PLEKHB2: variants seen among roughly 807,000 people sequenced by gnomAD.
PLEKHB2 encodes pleckstrin homology domain-containing family B member 2.
In PLEKHB2, 31 loss-of-function variants were observed where a neutral mutation model predicts 36.5. The observed-to-expected ratio is 0.85, with a 90% CI of 0.64 to 1.15. The LOEUF (loss-of-function observed/expected upper bound fraction) is 1.15, where lower values mean the gene tolerates loss of function less well. PLEKHB2 is among the 50% of genes most tolerant of loss of function. The pLI, the probability that PLEKHB2 is intolerant of heterozygous loss-of-function variation, is 0.00. For missense variants in PLEKHB2, 262 were observed against 295.3 expected (o/e 0.89, Z 0.83); for synonymous variants, 119 against 112.0 (o/e 1.06, Z -0.39).
intron 6 of PLEKHB2, among the ~76,000 whole-genome samples, chr2:131,134,894 A>G (rs1455354834): frequency 2.0e-5 from 3 of 152,142 alleles, no homozygotes; most frequent in Non-Finnish European, 2.9e-5. Context: ...GATTTTTTTC[A>G]TCAGCATTTT....
chr2:131,126,182 T>C lies in PLEKHB2; in HGVS notation c.190+277T>C, dbSNP rs548382065. ...AGGCCACCCTAGACTACGTTGATTT[T>C]GTACTCAGAAACTGGCTTCTGTTTG... On this transcript the variant is annotated intron_variant, in intron 3 of 7. Coordinates refer to ENST00000693505, the MANE Select transcript of PLEKHB2 (RefSeq NM_001100623.2). Among the ~76,000 whole-genome samples the C allele has an allele frequency of 3.3e-5, 5 of 152,272 alleles. No homozygotes were observed. The South Asian group carries it at 6.2e-4, about 19-fold the overall frequency.
At chr2:131,142,325 T>C (rs1698871637) in intron 7 of PLEKHB2, among the ~76,000 whole-genome samples, 1 of 152,228 alleles carries the variant, frequency 6.6e-6, no homozygotes, top group African/African-American at 2.4e-5. Context: ...ATTTTCTCCT[T>C]ATAATCATGC....
chr2:131,122,928 T>C (rs931453428), intron 2 of PLEKHB2, among the ~76,000 whole-genome samples: 9 of 152,204 alleles, frequency 5.9e-5, no homozygotes, highest in African/African-American at 1.9e-4. Flanking sequence ...GCTCAGACCT[T>C]GAGGGTGTGC....
intron 1 of PLEKHB2, among the ~76,000 whole-genome samples, chr2:131,113,470 G>C (rs1405621696): frequency 6.6e-6 from 1 of 152,176 alleles, no homozygotes; most frequent in Non-Finnish European, 1.5e-5. Context: ...CGTGAGAGCA[G>C]AGGAAAAACA....
intron 4 of PLEKHB2, 74 bp from the exon 5 acceptor site, chr2:131,130,647 G>A: frequency 8.9e-7 from 1 of 1,128,062 alleles, no homozygotes; most frequent in Non-Finnish European, 1.3e-6. Context: ...CAGGAATTCT[G>A]ATGCCAGCCC....
chr2:131,137,188 C>CAGT (rs1698353129), intron 6 of PLEKHB2, among the ~76,000 whole-genome samples: 1 of 149,070 alleles, frequency 6.7e-6, no homozygotes, highest in African/African-American at 2.6e-5. Context: ...ACCTCGTGAT[C>CAGT]TGCCCGCCTC....
intron 5 of PLEKHB2, among the ~76,000 whole-genome samples, chr2:131,132,458 C>T (rs993398813): frequency 6.6e-6 from 1 of 152,046 alleles, no homozygotes; most frequent in Non-Finnish European, 1.5e-5. Context: ...AAGCACCATG[C>T]CCAGTTAATT....
chr2:131,111,751 A>G (rs1695358042), intron 1 of PLEKHB2, among the ~76,000 whole-genome samples: 1 of 152,146 alleles, frequency 6.6e-6, no homozygotes, highest in African/African-American at 2.4e-5. Context: ...TCGGCCTCCT[A>G]AAGTGTTGGG....
chr2:131,117,257 C>T (rs1020307150), intron 1 of PLEKHB2, among the ~76,000 whole-genome samples: 1 of 152,090 alleles, frequency 6.6e-6, no homozygotes, highest in Non-Finnish European at 1.5e-5. Context: ...GAAATCCTGT[C>T]TCTACTTAAA....
At chr2:131,122,213 C>G (rs1696594869) in intron 2 of PLEKHB2, among the ~76,000 whole-genome samples, 1 of 152,094 alleles carries the variant, frequency 6.6e-6, no homozygotes, top group South Asian at 2.1e-4. Flanking sequence ...CCGCGCCCGG[C>G]CTCATACTGT....
At chr2:131,137,194 G>C (rs1299915381) in intron 6 of PLEKHB2, among the ~76,000 whole-genome samples, 1 of 148,988 alleles carries the variant, frequency 6.7e-6, no homozygotes, top group Admixed American at 6.6e-5. Context: ...TGATCTGCCC[G>C]CCTCGGCCTC....
At chr2:131,122,802 T>C (rs1164498192) in intron 2 of PLEKHB2, among the ~76,000 whole-genome samples, 1 of 152,064 alleles carries the variant, frequency 6.6e-6, no homozygotes, top group African/African-American at 2.4e-5. Flanking sequence ...TAGACAAAGG[T>C]GTCGTAATGT....
At chr2:131,137,079 G>T (rs555868094) in intron 6 of PLEKHB2, among the ~76,000 whole-genome samples, 34 of 150,996 alleles carry the variant, frequency 2.3e-4, no homozygotes, top group Middle Eastern at 3.4e-3. Flanking sequence ...CCTGAGTAGC[G>T]GGGACTACAG....
At chr2:131,128,214 C>T (rs1326205900) in intron 4 of PLEKHB2, among the ~76,000 whole-genome samples, 3 of 152,096 alleles carry the variant, frequency 2.0e-5, no homozygotes, top group African/African-American at 7.2e-5. Context: ...AGGTAGGAAG[C>T]GTGTCAAGGA....
chr2:131,111,551 C>G (rs1695333323), intron 1 of PLEKHB2, among the ~76,000 whole-genome samples: 2 of 147,962 alleles, frequency 1.4e-5, no homozygotes, highest in Admixed American at 6.8e-5. Context: ...AGTGCAGTGG[C>G]ACTATCTCGG....
At chr2:131,126,479 A>G (rs1697119304) in intron 3 of PLEKHB2, among the ~76,000 whole-genome samples, 1 of 152,054 alleles carries the variant, frequency 6.6e-6, no homozygotes, top group Admixed American at 6.6e-5. Flanking sequence ...TGAGCCGAAT[A>G]TATTTTGTGG....
At chr2:131,124,168 C>T (rs573556882) in intron 2 of PLEKHB2, among the ~76,000 whole-genome samples, 2 of 151,514 alleles carry the variant, frequency 1.3e-5, no homozygotes, top group Non-Finnish European at 2.9e-5. Flanking sequence ...CTGCACAGCT[C>T]AGGTAGTCAA....
Position 131,147,808 on chromosome 2 carries a change from A to AAAAAAAAT in PLEKHB2, c.*1040_*1041insAATAAAAA, listed in dbSNP as rs1699408186. ...GTGAGACTCTGTCTCAAAAAAAAAA[A>AAAAAAAAT]AAAAATCCTGGAGAAGCCAGAACAA... On this transcript the variant is annotated 3_prime_UTR_variant, in exon 8 of 8. Coordinates refer to ENST00000693505, the MANE Select transcript of PLEKHB2 (RefSeq NM_001100623.2). The AAAAAAAAT allele has an allele frequency of 6.6e-6, 1 of 152,374 alleles. No individual in the cohort carries two copies. The highest frequency in any genetic ancestry group is 1.5e-5 in the Non-Finnish European group (1 of 68,306). 9.4% of individuals were successfully genotyped at this position (152,374 alleles called of 1,614,324 possible). A position where few individuals can be genotyped will look rare whatever the true frequency, so the allele number is the denominator to read the frequency against.
At chr2:131,133,739 A>T (rs1184449605) in intron 6 of PLEKHB2, among the ~76,000 whole-genome samples, 1 of 152,124 alleles carries the variant, frequency 6.6e-6, no homozygotes. Flanking sequence ...CCTGTCAATC[A>T]CTGAACTGTT....
Sources: gnomAD v4.1 joint callset for allele counts (sites outside exome capture counted in the v4.1 genomes callset) on GRCh38, gnomAD v4.1.1 for gene constraint, MANE v1.5 for transcripts, NCBI Gene and HGNC (gene_info 2026-07-23, HGNC 2026-07-21) for gene names.